Variants in KCNQ2 observed in about 807,000 individuals in gnomAD.
KCNQ2 encodes potassium voltage-gated channel subfamily KQT member 2.
A neutral mutation model predicts 84.8 loss-of-function variants in KCNQ2; 14 were observed. The observed-to-expected ratio is 0.17, with a 90% confidence interval of 0.11 to 0.26. The LOEUF is 0.26. KCNQ2 is among the 10% of genes least tolerant of loss of function. The probability of loss-of-function intolerance (pLI) is 1.00; values close to 1 mark genes in which losing one functional copy is unlikely to be tolerated. For synonymous variants in KCNQ2, 599 were observed against 554.1 expected, an observed-to-expected ratio of 1.08 and a Z score of -1.14; for missense variants, 788 against 1,254.0, an observed-to-expected ratio of 0.63 and a Z score of 5.61.
In KCNQ2 at chr20:63,413,657, C is replaced by T. The variant is rs962269929; in HGVS notation, c.1632-76G>A. 7.7e-6 allele frequency: 12 copies of T among 1,554,138 alleles called. No homozygotes were observed. In the East Asian group the frequency reaches 2.0e-4, roughly 26 times the overall value. On this transcript the variant is annotated intron_variant, in intron 14 of 16. Coordinates refer to ENST00000359125, the MANE Select transcript of KCNQ2 (RefSeq NM_172107.4). ...ACAGGCACCAGGACCTTCCTAGCACCTCTGAGACCTCGGCGCCTGGAGATG... is the reference window on the plus strand; with the variant it reads ...ACAGGCACCAGGACCTTCCTAGCACTTCTGAGACCTCGGCGCCTGGAGATG...
chr20:63,415,400 G>A (rs560442744), intron 12 of KCNQ2, among the ~76,000 whole-genome samples: 1 of 66,814 alleles, frequency 1.5e-5, no homozygotes, highest in African/African-American at 8.0e-5. Flanking sequence ...GGGAGGGAGG[G>A]GGGGAGGCTA....
intron 12 of KCNQ2, among the ~76,000 whole-genome samples, chr20:63,418,853 G>C (rs2080380118): frequency 6.6e-6 from 1 of 151,938 alleles, no homozygotes; most frequent in Non-Finnish European, 1.5e-5. Flanking sequence ...GATGCAGATA[G>C]GCAGCATGCA....
chr20:63,450,118 C>T (rs1333280895), intron 1 of KCNQ2, among the ~76,000 whole-genome samples: 1 of 150,794 alleles, frequency 6.6e-6, no homozygotes. Context: ...GGCCCCTCAC[C>T]CCGCCTCACC....
In KCNQ2 at chr20:63,407,361, C is replaced by T. The variant is rs755582856; in HGVS notation, c.1902G>A (p.Glu634=). 5.6e-6 allele frequency: 9 copies of T among 1,597,686 alleles called. No homozygotes were observed. The East Asian group carries it at 2.0e-4, about 36-fold the overall frequency. The change falls in exon 17 of 17, where the codon GAG becomes GAA. Residue 634 remains glutamate (E), a synonymous_variant. Transcript: ENST00000359125. The surrounding 1 kb of genome is among the most constrained non-coding windows in gnomAD (Gnocchi z 7.2). ...TATTCACCAGGAAGTCCAGCTTCTT[C>T]TCCATGGACAAGACCTGCAAAAGGG... ...GKVEKQVLSM[E]KKLDFLVNIY...
intron 5 of KCNQ2, 21 bp from the exon 6 acceptor site, chr20:63,439,729 G>C: frequency 6.4e-7 from 1 of 1,562,298 alleles, no homozygotes; most frequent in East Asian, 2.2e-5. Context: ...GCAGGCTCTA[G>C]TCACACGAAG....
chr20:63,457,383 G>A (rs1361888530), intron 1 of KCNQ2, among the ~76,000 whole-genome samples: 1 of 152,246 alleles, frequency 6.6e-6, no homozygotes. Flanking sequence ...AACACTGGGT[G>A]CTCAACTGGA....
intron 7 of KCNQ2, among the ~76,000 whole-genome samples, chr20:63,436,604 A>G (rs2081016006): frequency 6.6e-6 from 1 of 152,010 alleles, no homozygotes; most frequent in African/African-American, 2.4e-5. Context: ...ACCAGCATCG[A>G]GGTGAGACCC....
Position 63,472,158 on chromosome 20 carries a change from G to T in KCNQ2, c.296+10C>A. 6.7e-7 allele frequency: 1 copy of T among 1,494,486 alleles called. No individual in the cohort carries two copies. The highest frequency in any genetic ancestry group is 8.9e-7 in the Non-Finnish European group (1 of 1,120,930). 92.6% of individuals were successfully genotyped at this position (1,494,486 alleles called of 1,614,324 possible). A position where few individuals can be genotyped will look rare whatever the true frequency, so the allele number is the denominator to read the frequency against. On this transcript the variant is annotated intron_variant, in intron 1 of 16. Transcript: ENST00000359125. Reference sequence around the variant, plus strand: ...TGGGGGTCGCCACGGGGGCCCCGCCGGCCACTCACACGTAGGCGTGGTAGA... The same window carrying T: ...TGGGGGTCGCCACGGGGGCCCCGCCTGCCACTCACACGTAGGCGTGGTAGA...
At chr20:63,441,578 C>T (rs552197244) in intron 5 of KCNQ2, among the ~76,000 whole-genome samples, 4 of 152,184 alleles carry the variant, frequency 2.6e-5, no homozygotes, top group Non-Finnish European at 5.9e-5. Context: ...CATCAAAAGT[C>T]CTAGGGCCCA....
chr20:63,448,911 A>T (rs985329915), intron 1 of KCNQ2: 1 of 151,928 alleles, frequency 6.6e-6, no homozygotes, highest in Admixed American at 6.6e-5. Context: ...GTCTAGACCC[A>T]CCCCTCCTGT....
At chr20:63,471,855 T>TAGATC in intron 1 of KCNQ2, 1 of 300,472 alleles carries the variant, frequency 3.3e-6, no homozygotes, top group South Asian at 8.0e-5. Flanking sequence ...CGGCCCTTTG[T>TAGATC]TCGGCGCAGA....
chr20:63,439,760 G>T, intron 5 of KCNQ2, 52 bp from the exon 6 acceptor site: 1 of 1,411,328 alleles, frequency 7.1e-7, no homozygotes, highest in Non-Finnish European at 1.0e-6. Flanking sequence ...CACCCCTGAG[G>T]GCAGGCTGGA....
intron 10 of KCNQ2, among the ~76,000 whole-genome samples, chr20:63,427,247 TAA>T (rs1491436562): frequency 6.6e-6 from 1 of 152,150 alleles, no homozygotes; most frequent in African/African-American, 2.4e-5. Context: ...AATAAAATAA[TAA>T]AGTCATCAGA....
chr20:63,431,300 CCA>C (rs138324374), intron 9 of KCNQ2, 38 bp downstream of exon 9: 875 of 1,558,550 alleles, frequency 5.6e-4, no homozygotes, highest in Non-Finnish European at 7.0e-4. Flanking sequence ...AGAACTAGAA[CCA>C]CACACACACA....
Position 63,441,611 on chromosome 20 carries a change from C to T in KCNQ2, c.816+795G>A, listed in dbSNP as rs113262646. 3.4e-3 allele frequency among the ~76,000 whole-genome samples: 515 copies of T among 152,142 alleles called. 4 individuals carry two copies. Among genetic ancestry groups the T allele is most frequent in the African/African-American group, 0.011 (462 of 41,478 alleles). ...CCAGCAGTCACAGCTCAGGACGCCC[C>T]GGGCCCCACCCTGACCCTGTGGTGG... On this transcript the variant is annotated intron_variant, in intron 5 of 16. Transcript: ENST00000359125.
At chr20:63,447,634 G>C (rs947598391) in intron 1 of KCNQ2, among the ~76,000 whole-genome samples, 1 of 149,238 alleles carries the variant, frequency 6.7e-6, no homozygotes, top group East Asian at 1.9e-4. Context: ...TTCACTTGTC[G>C]CGCAGGCTGG....
chr20:63,444,607 G>C (rs886743845), intron 4 of KCNQ2, 52 bp downstream of exon 4: 7 of 1,456,046 alleles, frequency 4.8e-6, no homozygotes, highest in Admixed American at 2.3e-5. Context: ...GTCTGGGCCA[G>C]GACTCTCGCT....
intron 8 of KCNQ2, among the ~76,000 whole-genome samples, chr20:63,432,651 G>A (rs1410468423): frequency 1.3e-5 from 2 of 148,650 alleles, no homozygotes; most frequent in African/African-American, 5.1e-5. Context: ...CACCCTCAGG[G>A]AAGGATCCAC....
chr20:63,412,158 G>T, intron 15 of KCNQ2: 1 of 412,930 alleles, frequency 2.4e-6, no homozygotes, highest in Non-Finnish European at 4.4e-6. Context: ...GTGCAGGGGA[G>T]GTGCCCGCAG....
Sources: gnomAD v4.1 joint callset for allele counts (sites outside exome capture counted in the v4.1 genomes callset) on GRCh38, gnomAD v4.1.1 for gene constraint, Gnocchi (gnomAD v3.1) non-coding constraint, MANE v1.5 for transcripts, NCBI Gene and HGNC (gene_info 2026-07-23, HGNC 2026-07-21) for gene names.